The following RBFOX1 variants were observed in gnomAD, a reference collection of about 807,000 sequenced individuals.
RBFOX1 encodes RNA binding protein fox-1 homolog 1.
Under a neutral mutation model 57.7 loss-of-function variants are expected in RBFOX1, and 8 were observed. The observed-to-expected ratio is 0.14, with a 90% confidence interval of 0.08 to 0.25. The LOEUF (loss-of-function observed/expected upper bound fraction) is 0.25. Ranked by LOEUF, RBFOX1 falls within the 10% of genes least tolerant of loss-of-function variation. The pLI, the probability that RBFOX1 is intolerant of heterozygous loss-of-function variation, is 1.00. For synonymous variants in RBFOX1, 326 were observed against 222.4 expected (o/e 1.47, Z -4.15); for missense variants, 611 against 548.5 (o/e 1.11, Z -1.14).
intron 3 of RBFOX1, among the ~76,000 whole-genome samples, chr16:5,651,056 T>C (rs2151361988): frequency 8.1e-6 from 1 of 122,994 alleles, no homozygotes; most frequent in Admixed American, 8.9e-5. Flanking sequence ...TTTTTTTTTT[T>C]TTTTTTTTTT....
chr16:6,504,856 C>T (rs572152385), intron 2 of RBFOX1, among the ~76,000 whole-genome samples: 36 of 152,006 alleles, frequency 2.4e-4, no homozygotes, highest in Middle Eastern at 3.4e-3. Flanking sequence ...GAGTTCAAGA[C>T]TAGCCTGCCC....
chr16:5,613,682 G>T (rs2047909586), intron 3 of RBFOX1, among the ~76,000 whole-genome samples: 1 of 152,196 alleles, frequency 6.6e-6, no homozygotes, highest in Non-Finnish European at 1.5e-5. Context: ...TGTTTATGGG[G>T]CCAGGTTCCA....
At chr16:5,434,773 C>G (rs917570371) in intron 1 of RBFOX1, among the ~76,000 whole-genome samples, 43 of 152,016 alleles carry the variant, frequency 2.8e-4, no homozygotes, top group African/African-American at 1.0e-3. Flanking sequence ...CTGGCTATAC[C>G]CTGACTTTGC....
chr16:7,707,964 A>C lies in RBFOX1; in HGVS notation c.996-1092A>C, dbSNP rs59713281. On this transcript the variant is annotated intron_variant, in intron 14 of 15. Coordinates refer to ENST00000550418, the MANE Select transcript of RBFOX1 (RefSeq NM_018723.4). ...TCAGTATTAAGATAGCAGCATTCAAACTATCTCCAGGAAAATATCTGGCAG... is the reference window on the plus strand; with the variant it reads ...TCAGTATTAAGATAGCAGCATTCAACCTATCTCCAGGAAAATATCTGGCAG... Among the ~76,000 whole-genome samples the C allele has an allele frequency of 0.013, 1,928 of 152,256 alleles. 141 individuals carry two copies. The East Asian group carries it at 0.22, about 17-fold the overall frequency.
chr16:6,069,301 G>T (rs545650361), intron 1 of RBFOX1, among the ~76,000 whole-genome samples: 3 of 151,846 alleles, frequency 2.0e-5, no homozygotes, highest in Admixed American at 1.3e-4. Context: ...GGGAGGCTGA[G>T]GCAGGAGAAT....
chr16:5,954,111 A>C (rs1380083976), intron 4 of RBFOX1, among the ~76,000 whole-genome samples: 1 of 152,314 alleles, frequency 6.6e-6, no homozygotes, highest in South Asian at 2.1e-4. Flanking sequence ...AGAATGACGC[A>C]GTCCAAACGT....
chr16:5,999,884 AAAAAAAAAAAAAAAAAAAAAAAAGAG>A (rs2060561158), intron 4 of RBFOX1, among the ~76,000 whole-genome samples: 1 of 66,628 alleles, frequency 1.5e-5, no homozygotes, highest in African/African-American at 4.7e-5. Context: ...AAAAAAAAAA[AAAAAAAAAAAAAAAAAAAAAAAAGAG>A]TGAAGAAGGG....
intron 4 of RBFOX1, among the ~76,000 whole-genome samples, chr16:5,943,643 T>C (rs1483903260): frequency 6.6e-6 from 1 of 152,166 alleles, no homozygotes; most frequent in African/African-American, 2.4e-5. Context: ...GATTTATCTG[T>C]GAAATGGAGC....
At chr16:7,710,239 A>C in intron 15 of RBFOX1, 1 of 1,061,198 alleles carries the variant, frequency 9.4e-7, no homozygotes, top group East Asian at 9.4e-5. Context: ...CTCTGCTTCA[A>C]CACCTAGTCC....
chr16:7,605,562 T>C (rs556089617), intron 9 of RBFOX1, among the ~76,000 whole-genome samples: 7 of 152,222 alleles, frequency 4.6e-5, no homozygotes, highest in Non-Finnish European at 1.0e-4. Context: ...TGGATTTCGA[T>C]AGACATACTG....
At chr16:6,260,423 C>T (rs1291103930) in intron 1 of RBFOX1, among the ~76,000 whole-genome samples, 1 of 152,000 alleles carries the variant, frequency 6.6e-6, no homozygotes, top group Non-Finnish European at 1.5e-5. Flanking sequence ...TGAAGTGGGC[C>T]AGATTGGGAA....
At chr16:6,178,659 C>T (rs901656701) in intron 1 of RBFOX1, among the ~76,000 whole-genome samples, 1 of 152,188 alleles carries the variant, frequency 6.6e-6, no homozygotes, top group Non-Finnish European at 1.5e-5. Context: ...AATCTAGAAT[C>T]TTTGAGCCCG....
chr16:6,604,291 T>C (rs2097896198), intron 2 of RBFOX1, among the ~76,000 whole-genome samples: 1 of 152,206 alleles, frequency 6.6e-6, no homozygotes, highest in African/African-American at 2.4e-5. Context: ...AAAACCTCAA[T>C]AAATATTATT....
At chr16:6,747,537 C>G (rs577277869) in intron 3 of RBFOX1, among the ~76,000 whole-genome samples, 1 of 151,992 alleles carries the variant, frequency 6.6e-6, no homozygotes, top group Non-Finnish European at 1.5e-5. Context: ...TGTAAGAAGC[C>G]TGTTGGGGCA....
At chr16:6,397,347 G>A (rs1361007774) in intron 2 of RBFOX1, among the ~76,000 whole-genome samples, 2 of 152,164 alleles carry the variant, frequency 1.3e-5, no homozygotes, top group African/African-American at 4.8e-5. Flanking sequence ...GTGATGGTCA[G>A]CTTCTCATCA....
intron 1 of RBFOX1, among the ~76,000 whole-genome samples, chr16:6,089,822 C>G (rs908696112): frequency 2.0e-5 from 3 of 152,150 alleles, no homozygotes; most frequent in African/African-American, 7.2e-5. Flanking sequence ...GACACCATCG[C>G]TTTGCATAAA....
intron 5 of RBFOX1, among the ~76,000 whole-genome samples, chr16:7,571,147 G>A (rs754341278): frequency 6.6e-6 from 1 of 152,082 alleles, no homozygotes; most frequent in African/African-American, 2.4e-5. Flanking sequence ...GATGGGTGCA[G>A]CAAATCACCA....
intron 1 of RBFOX1, among the ~76,000 whole-genome samples, chr16:6,297,054 C>T (rs1334197329): frequency 2.0e-5 from 3 of 152,186 alleles, no homozygotes; most frequent in Non-Finnish European, 4.4e-5. Context: ...TTTTAGACCA[C>T]AGAGGGTAAC....
At chr16:5,413,042 A>C (rs1026200047) in intron 1 of RBFOX1, among the ~76,000 whole-genome samples, 8 of 152,150 alleles carry the variant, frequency 5.3e-5, no homozygotes, top group Admixed American at 4.6e-4. Flanking sequence ...CATGTTTTGA[A>C]GTGAGGTTGC....
Sources: gnomAD v4.1 joint callset for allele counts (sites outside exome capture counted in the v4.1 genomes callset) on GRCh38, gnomAD v4.1.1 for gene constraint, MANE v1.5 for transcripts, NCBI Gene and HGNC (gene_info 2026-07-23, HGNC 2026-07-21) for gene names.